ADD2: variants seen among roughly 807,000 people sequenced by gnomAD.
ADD2 encodes the protein adducin 2, also known as beta-adducin.
ADD2 carries 23 observed loss-of-function variants against 83.0 expected under a neutral mutation model. The ratio of observed to expected loss-of-function variants is 0.28; its 90% CI spans 0.20 to 0.39. The LOEUF (loss-of-function observed/expected upper bound fraction) is 0.39. Among genes scored for constraint, ADD2 ranks in the 10% least tolerant of loss-of-function variants. The probability of loss-of-function intolerance (pLI) is 1.00; values close to 1 mark genes in which losing one functional copy is unlikely to be tolerated. For missense variants in ADD2, 758 were observed against 944.9 expected (o/e 0.80, Z 2.59); for synonymous variants, 375 against 375.4 (o/e 1.00, Z 0.01).
intron 6 of ADD2, among the ~76,000 whole-genome samples, chr2:70,694,877 T>C (rs1328747614): frequency 2.6e-5 from 4 of 151,848 alleles, no homozygotes; most frequent in Non-Finnish European, 5.9e-5. Context: ...AACCAGACCA[T>C]GAACACCTTA....
intron 1 of ADD2, among the ~76,000 whole-genome samples, chr2:70,739,948 A>G (rs1553380778): frequency 2.0e-5 from 3 of 152,220 alleles, no homozygotes; most frequent in African/African-American, 4.8e-5. Context: ...ATGGTGGAAT[A>G]ATCTGCACAA....
chr2:70,767,765 G>GGCAACAGACGCGCCCC, intron 1 of ADD2, 121 bp downstream of exon 1: 1 of 1,458,296 alleles, frequency 6.9e-7, no homozygotes, highest in East Asian at 2.5e-5. Flanking sequence ...CGACGCGCTC[G>GGCAACAGACGCGCCCC]GCAACAGACG....
In ADD2 at chr2:70,661,962, C is replaced by T. The variant is rs1030956521; in HGVS notation, c.*1463G>A. 1 of 152,086 alleles carries T rather than the reference C, an allele frequency of 6.6e-6. No homozygotes were observed. Among genetic ancestry groups the T allele is most frequent in the African/African-American group, 2.4e-5 (1 of 41,380 alleles). The allele number at this position is 152,086 out of a possible 1,614,324, so 9.4% of individuals were successfully genotyped here. ...ACCCACAAAATGGGAATGATCTTAC[C>T]CCCCTCAAAGGATTACTGTGAGGGT... is the stretch of plus-strand genomic sequence containing the variant. On this transcript the variant is annotated 3_prime_UTR_variant, in exon 16 of 16. Coordinates refer to ENST00000264436, the MANE Select transcript of ADD2 (RefSeq NM_001617.4).
chr2:70,731,073 C>CA (rs1457325370), intron 1 of ADD2, among the ~76,000 whole-genome samples: 47 of 152,188 alleles, frequency 3.1e-4, no homozygotes, highest in Non-Finnish European at 1.5e-4. Flanking sequence ...GCTTTGCAGA[C>CA]ATCAGGGGCT....
rs782247970 is a variant in ADD2, at chr2:70,676,396, T to C, written c.1593+400A>G. 1 of 1,145,750 alleles carries C rather than the reference T, an allele frequency of 8.7e-7. No individual in the cohort carries two copies. Among genetic ancestry groups the C allele is most frequent in the African/African-American group, 1.6e-5 (1 of 63,618 alleles). 71.0% of individuals were successfully genotyped at this position (1,145,750 alleles called of 1,614,324 possible). On this transcript the variant is annotated intron_variant, in intron 13 of 15. Transcript: ENST00000264436. The surrounding 1 kb of genome is among the most constrained non-coding windows in gnomAD (Gnocchi z 4.8). ...CCAGAGCTCTGGTTGGATGATGTCA[T>C]ACCAGGCTCAGAGGTCAGAGACTCT... is the stretch of plus-strand genomic sequence containing the variant.
intron 4 of ADD2, among the ~76,000 whole-genome samples, chr2:70,700,884 T>C (rs1346552215): frequency 7.9e-5 from 12 of 151,954 alleles, no homozygotes; most frequent in Admixed American, 7.9e-4. Context: ...AGCAGCAAAA[T>C]AAATTTTAAA....
intron 1 of ADD2, among the ~76,000 whole-genome samples, chr2:70,763,175 C>G (rs949765845): frequency 6.6e-6 from 1 of 152,016 alleles, no homozygotes; most frequent in Non-Finnish European, 1.5e-5. Context: ...CTTTCAGTAA[C>G]ATTGGCAAAG....
rs1241446374 is a variant in ADD2 at position 70,768,178 on chromosome 2, G to A, written c.-446C>T. On this transcript the variant is annotated 5_prime_UTR_variant, in exon 1 of 16. Transcript: ENST00000264436. ...GCCGTCAGAATTAAAGCCATTTCCC[G>A]CACGAGGCTGGGAGGAAATGAGAGC... 2.0e-5 allele frequency: 12 copies of A among 588,276 alleles called. No individual in the cohort carries two copies. The highest frequency in any genetic ancestry group is 3.2e-5 in the Admixed American group (1 of 31,368). 36.4% of individuals were successfully genotyped at this position (588,276 alleles called of 1,614,324 possible). A position where few individuals can be genotyped will look rare whatever the true frequency, so the allele number is the denominator to read the frequency against.
chr2:70,691,819 T>C (rs1474053329), intron 7 of ADD2: 3 of 152,288 alleles, frequency 2.0e-5, no homozygotes, highest in Non-Finnish European at 4.4e-5. Context: ...TGTACATGTG[T>C]GGCCTGGGGG....
At position 70,749,090 on chromosome 2, in the gene ADD2, G is replaced by A. The variant is rs570771066; in HGVS notation, c.-154+18796C>T. On this transcript the variant is annotated intron_variant, in intron 1 of 15. Coordinates refer to ENST00000264436, the MANE Select transcript of ADD2 (RefSeq NM_001617.4). Reference sequence around the variant, plus strand: ...ACTGACTCATAGTTTTGCATGGCTGGTGAGGCCTCAGGAAACTTACAATCA... The same window carrying A: ...ACTGACTCATAGTTTTGCATGGCTGATGAGGCCTCAGGAAACTTACAATCA... 1.8e-4 allele frequency among the ~76,000 whole-genome samples: 28 copies of A among 152,258 alleles called. 1 individual carries two copies. In the South Asian group the frequency reaches 5.8e-3, roughly 32 times the overall value.
chr2:70,756,174 C>T (rs1212462077), intron 1 of ADD2, among the ~76,000 whole-genome samples: 1 of 152,086 alleles, frequency 6.6e-6, no homozygotes, highest in Non-Finnish European at 1.5e-5. Context: ...TACCCCCTTT[C>T]CTCCCCCAAC....
intron 1 of ADD2, among the ~76,000 whole-genome samples, chr2:70,731,388 G>A (rs1325205525): frequency 6.6e-6 from 1 of 152,202 alleles, no homozygotes; most frequent in Non-Finnish European, 1.5e-5. Context: ...ATGGGACAAA[G>A]GAAATGGCAA....
At chr2:70,672,171 T>G (rs1170636764) in intron 15 of ADD2, among the ~76,000 whole-genome samples, 1 of 152,198 alleles carries the variant, frequency 6.6e-6, no homozygotes, top group African/African-American at 2.4e-5. Context: ...AAACTGAGGC[T>G]CAGAGATGCT....
At chr2:70,749,497 C>T (rs1356328697) in intron 1 of ADD2, among the ~76,000 whole-genome samples, 1 of 151,966 alleles carries the variant, frequency 6.6e-6, no homozygotes, top group Non-Finnish European at 1.5e-5. Flanking sequence ...GCTAGCTAGG[C>T]AATATTCACC....
chr2:70,709,318 TG>T (rs1672057949), intron 2 of ADD2, among the ~76,000 whole-genome samples: 1 of 138,974 alleles, frequency 7.2e-6, no homozygotes, highest in African/African-American at 2.8e-5. Context: ...CTGCTGGGAG[TG>T]GGAGCCAAAA....
intron 15 of ADD2, among the ~76,000 whole-genome samples, chr2:70,668,832 C>G (rs1553366597): frequency 2.0e-5 from 3 of 152,130 alleles, no homozygotes; most frequent in Admixed American, 2.0e-4. Context: ...TTTGAGAAGC[C>G]CTCTCTTTGC....
chr2:70,735,947 C>T (rs1466078322), intron 1 of ADD2, among the ~76,000 whole-genome samples: 1 of 146,996 alleles, frequency 6.8e-6, no homozygotes, highest in Non-Finnish European at 1.5e-5. Context: ...AAATAATCTG[C>T]CTGCCTTGGC....
chr2:70,753,065 G>A (rs567628954), intron 1 of ADD2, among the ~76,000 whole-genome samples: 1 of 152,296 alleles, frequency 6.6e-6, no homozygotes, highest in East Asian at 1.9e-4. Flanking sequence ...AGACAAAGTG[G>A]TGCAGGGCAA....
intron 1 of ADD2, among the ~76,000 whole-genome samples, chr2:70,722,715 T>C (rs1672791877): frequency 6.6e-6 from 1 of 152,204 alleles, no homozygotes; most frequent in Admixed American, 6.5e-5. Context: ...GTACCTCTGC[T>C]GAGGAAGCAA....
Sources: allele counts gnomAD v4.1 joint callset (sites outside exome capture counted in the v4.1 genomes callset), GRCh38; gene constraint gnomAD v4.1.1; non-coding constraint Gnocchi (gnomAD v3.1); transcripts MANE v1.5; gene names NCBI Gene and HGNC (gene_info 2026-07-23, HGNC 2026-07-21).